MIR17HG: variants seen among roughly 807,000 people sequenced by gnomAD.
MIR17HG encodes the protein MIR17 host gene (non-protein coding).
rs530041135 is a variant in MIR17HG at position 91,348,553 on chromosome 13, G to A, written n.140+594G>A. 2.0e-5 allele frequency among the ~76,000 whole-genome samples: 3 copies of A among 151,398 alleles called. No individual in the cohort carries two copies. In the South Asian group the frequency reaches 6.2e-4, roughly 31 times the overall value. On this transcript the variant is annotated intron_variant and non_coding_transcript_variant, in intron 1 of 3. Coordinates refer to ENST00000400282, the Ensembl canonical transcript of MIR17HG. ...TTGTACGCGCGAGGGTGGGCGGAGG[G>A]GCGCCGAGATCGGCGCGGCCTGGGC...
chr13:91,353,406 G>A (rs953363589), intron 3 of MIR17HG, among the ~76,000 whole-genome samples: 4 of 152,178 alleles, frequency 2.6e-5, no homozygotes, highest in African/African-American at 9.7e-5. Flanking sequence ...AAATGTGTAT[G>A]TTTTGTTGTG....
intron 1 of MIR17HG, among the ~76,000 whole-genome samples, chr13:91,349,314 T>C (rs936279483): frequency 6.6e-6 from 1 of 151,856 alleles, no homozygotes; most frequent in African/African-American, 2.4e-5. Context: ...GAAACAACTC[T>C]TTATCCCGGC....
chr13:91,348,269 C>T (rs1257898460), intron 1 of MIR17HG, among the ~76,000 whole-genome samples: 1 of 150,116 alleles, frequency 6.7e-6, no homozygotes, highest in Non-Finnish European at 1.5e-5. Flanking sequence ...GGCGGGTGGG[C>T]GGACGGCGAA....
intron 1 of MIR17HG, among the ~76,000 whole-genome samples, chr13:91,349,151 G>C (rs1847418583): frequency 6.6e-6 from 1 of 152,070 alleles, no homozygotes; most frequent in African/African-American, 2.4e-5. Context: ...CTCCATGAGC[G>C]TGGCGGGCAC....
intron 3 of MIR17HG, chr13:91,352,354 T>C (rs1875358233): frequency 6.6e-6 from 1 of 152,130 alleles, no homozygotes; most frequent in Admixed American, 6.5e-5. Context: ...ACCTGAATAA[T>C]AGATTTAAAA....
chr13:91,353,000 C>T (rs1447985822), intron 3 of MIR17HG, among the ~76,000 whole-genome samples: 1 of 150,302 alleles, frequency 6.7e-6, no homozygotes, highest in Non-Finnish European at 1.5e-5. Context: ...ATCCCAGCTA[C>T]TCTGGAGGCT....
Position 91,348,046 on chromosome 13 carries a change from G to T in MIR17HG, n.140+87G>T. On this transcript the variant is annotated intron_variant and non_coding_transcript_variant, in intron 1 of 3. Transcript: ENST00000400282. ...GGGCGGGGCGGAGCGGCCCGGGGCG[G>T]ACTGGCCCGGGGCAGCGTGGCGGCG... is the stretch of plus-strand genomic sequence containing the variant. 2.0e-5 allele frequency: 3 copies of T among 149,972 alleles called. No homozygotes were observed. In the South Asian group the frequency reaches 5.6e-4, roughly 28 times the overall value. The allele number at this position is 149,972 out of a possible 1,614,324, so 9.3% of individuals were successfully genotyped here.
At chr13:91,351,612 G>A in intron 3 of MIR17HG, 1 of 317,616 alleles carries the variant, frequency 3.1e-6, no homozygotes, top group Non-Finnish European at 6.4e-6. Flanking sequence ...GATTTATTTG[G>A]CTGTTAAGTA....
intron 3 of MIR17HG, chr13:91,353,810 A>T (rs991096837): frequency 2.0e-5 from 3 of 149,608 alleles, no homozygotes; most frequent in Non-Finnish European, 3.0e-5. Flanking sequence ...GTTTGCATGT[A>T]CAACTTTCTA....
chr13:91,352,791 ACAAACGTGGCTTT>A (rs576208287), intron 3 of MIR17HG, among the ~76,000 whole-genome samples: 2 of 152,148 alleles, frequency 1.3e-5, no homozygotes, highest in Non-Finnish European at 2.9e-5. Flanking sequence ...TTATTTAGTG[ACAAACGTGGCTTT>A]CAAACTATGC....
At chr13:91,348,166 G>GCA (rs10630963) in intron 1 of MIR17HG, among the ~76,000 whole-genome samples, 111,178 of 136,242 alleles carry the variant, frequency 0.82, 46,088 homozygotes, top group African/African-American at 0.94. Context: ...CCGGCGGAGG[G>GCA]GGGCAGGGCC....
intron 1 of MIR17HG, chr13:91,348,050 G>T: frequency 6.7e-6 from 1 of 149,446 alleles, no homozygotes; most frequent in South Asian, 1.9e-4. Flanking sequence ...GGGGCGGACT[G>T]GCCCGGGGCA....
chr13:91,348,930 G>T (rs1322819336), intron 1 of MIR17HG, among the ~76,000 whole-genome samples: 1 of 149,258 alleles, frequency 6.7e-6, no homozygotes. Context: ...GCTCGGGGGG[G>T]CTGGGGGACA....
chr13:91,348,393 A>G (rs1286971615), intron 1 of MIR17HG, among the ~76,000 whole-genome samples: 1 of 149,332 alleles, frequency 6.7e-6, no homozygotes, highest in African/African-American at 2.5e-5. Flanking sequence ...GGCGAGAGTT[A>G]AAGCGCCTCC....
At chr13:91,353,434 TGGTTCTATAG>T (rs1473521079) in intron 3 of MIR17HG, among the ~76,000 whole-genome samples, 1 of 152,202 alleles carries the variant, frequency 6.6e-6, no homozygotes, top group East Asian at 1.9e-4. Flanking sequence ...TAGTGATCTG[TGGTTCTATAG>T]GGTTTAATAG....
chr13:91,349,207 C>T lies in MIR17HG; in HGVS notation n.141-491C>T, dbSNP rs530011264. Among the ~76,000 whole-genome samples the T allele has an allele frequency of 1.9e-3, 288 of 152,240 alleles. 2 individuals are homozygous for T. The highest frequency in any genetic ancestry group is 6.6e-3 in the African/African-American group (275 of 41,562). ...TGCCCGGTCTTCTGTTCCTAAACTG[C>T]AGCAAAGGGAAAAGGAACTGAAAAA... On this transcript the variant is annotated intron_variant and non_coding_transcript_variant, in intron 1 of 3. Coordinates refer to ENST00000400282, the Ensembl canonical transcript of MIR17HG.
chr13:91,349,796 C>A (rs931562144), intron 2 of MIR17HG: 2 of 152,124 alleles, frequency 1.3e-5, no homozygotes, highest in Non-Finnish European at 2.9e-5. Context: ...TTTTCTTGAA[C>A]TTTTCTTAAA....
intron 1 of MIR17HG, chr13:91,348,007 G>T (rs1025134953): frequency 6.6e-6 from 1 of 151,488 alleles, no homozygotes; most frequent in Non-Finnish European, 1.5e-5. Context: ...TGTTGTGTGC[G>T]GCCCGGGTCT....
chr13:91,348,588 G>C (rs566814919), intron 1 of MIR17HG, among the ~76,000 whole-genome samples: 1 of 151,094 alleles, frequency 6.6e-6, no homozygotes, highest in African/African-American at 2.4e-5. Context: ...CGCCACCCCC[G>C]CTCCGCGTGG....
Sources: allele counts gnomAD v4.1 joint callset (sites outside exome capture counted in the v4.1 genomes callset), GRCh38; gene constraint gnomAD v4.1.1; transcripts MANE v1.5; gene names NCBI Gene and HGNC (gene_info 2026-07-23, HGNC 2026-07-21).